The following TBC1D12 variants were observed in gnomAD, a reference collection of about 807,000 sequenced individuals.
TBC1D12 encodes TBC1 domain family, member 12.
In TBC1D12, 56 loss-of-function variants were observed where a neutral mutation model predicts 86.7. That is an observed-to-expected ratio of 0.65 (90% CI 0.52 to 0.81). The LOEUF (loss-of-function observed/expected upper bound fraction) is 0.81. Ranked by LOEUF, TBC1D12 falls within the 30% of genes least tolerant of loss-of-function variation. The pLI, the probability that TBC1D12 is intolerant of heterozygous loss-of-function variation, is 0.00. For synonymous variants in TBC1D12, 421 were observed against 411.7 expected, an observed-to-expected ratio of 1.02 and a Z score of -0.27; for missense variants, 1,023 against 1,038.8, an observed-to-expected ratio of 0.98 and a Z score of 0.21.
rs774412312 is a variant in TBC1D12 at position 94,507,255 on chromosome 10, C to T, written c.1520-12C>T. On this transcript the variant is annotated splice_polypyrimidine_tract_variant and intron_variant, in intron 6 of 12. Transcript: ENST00000225235. ...ATTATTCATACATTTTTGTTCTCCC[C>T]CCAACCCCCAGAACTTTATGAAATC... The T allele has an allele frequency of 1.9e-6, 3 of 1,600,222 alleles. No homozygotes were observed. The highest frequency in any genetic ancestry group is 1.8e-5 in the Admixed American group (1 of 55,476).
At chr10:94,462,785 T>C (rs1341436374) in intron 2 of TBC1D12, among the ~76,000 whole-genome samples, 1 of 152,146 alleles carries the variant, frequency 6.6e-6, no homozygotes, top group Non-Finnish European at 1.5e-5. Flanking sequence ...ATTTTGGCAA[T>C]TTTTATCTTC....
At chr10:94,498,399 G>T (rs1004856292) in intron 5 of TBC1D12, among the ~76,000 whole-genome samples, 4 of 151,980 alleles carry the variant, frequency 2.6e-5, no homozygotes, top group Admixed American at 6.6e-5. Context: ...TCTTTTTAAT[G>T]ATAAATAATA....
At chr10:94,503,610 T>A (rs2056425836) in intron 6 of TBC1D12, among the ~76,000 whole-genome samples, 1 of 152,072 alleles carries the variant, frequency 6.6e-6, no homozygotes, top group South Asian at 2.1e-4. Flanking sequence ...CATATTATTT[T>A]ATTTATTTAT....
At chr10:94,514,629 T>C (rs1028015946) in intron 9 of TBC1D12, among the ~76,000 whole-genome samples, 1 of 152,202 alleles carries the variant, frequency 6.6e-6, no homozygotes, top group Non-Finnish European at 1.5e-5. Flanking sequence ...CAGTATTCTT[T>C]TGTATACATA....
chr10:94,421,967 A>G (rs1196898873), intron 1 of TBC1D12, among the ~76,000 whole-genome samples: 1 of 152,112 alleles, frequency 6.6e-6, no homozygotes, highest in East Asian at 1.9e-4. Flanking sequence ...ATTTTCTCCT[A>G]TGGGTGTCAT....
intron 1 of TBC1D12, among the ~76,000 whole-genome samples, chr10:94,423,785 G>T (rs577320633): frequency 2.6e-5 from 4 of 152,092 alleles, no homozygotes; most frequent in East Asian, 3.9e-4. Flanking sequence ...CTGAGGGCCC[G>T]GATCATAAAC....
At chr10:94,437,112 A>G (rs977028333) in intron 1 of TBC1D12, among the ~76,000 whole-genome samples, 2 of 151,204 alleles carry the variant, frequency 1.3e-5, no homozygotes, top group African/African-American at 2.4e-5. Context: ...TCTGGCCTCC[A>G]TGGTTTCTGA....
At chr10:94,512,365 A>G (rs1023596218) in intron 9 of TBC1D12, among the ~76,000 whole-genome samples, 1 of 152,186 alleles carries the variant, frequency 6.6e-6, no homozygotes, top group African/African-American at 2.4e-5. Flanking sequence ...GCCATTTTTA[A>G]CTAGAAGTTA....
intron 3 of TBC1D12, among the ~76,000 whole-genome samples, chr10:94,493,132 T>G (rs1055602890): frequency 1.4e-5 from 2 of 140,792 alleles, no homozygotes; most frequent in African/African-American, 5.1e-5. Flanking sequence ...TACCAACTTA[T>G]ATACACATGA....
chr10:94,511,279 G>A (rs916005623), intron 8 of TBC1D12, among the ~76,000 whole-genome samples: 31 of 151,762 alleles, frequency 2.0e-4, no homozygotes, highest in African/African-American at 6.3e-4. Context: ...TGTATTTGTA[G>A]TAGAGATGGG....
chr10:94,427,023 T>C (rs2055155478), intron 1 of TBC1D12, among the ~76,000 whole-genome samples: 1 of 152,208 alleles, frequency 6.6e-6, no homozygotes, highest in African/African-American at 2.4e-5. Flanking sequence ...TTAGAACATT[T>C]CTGTCATCCC....
At chr10:94,523,840 A>G (rs1842217207) in intron 11 of TBC1D12, among the ~76,000 whole-genome samples, 1 of 152,158 alleles carries the variant, frequency 6.6e-6, no homozygotes, top group African/African-American at 2.4e-5. Flanking sequence ...ATAGTCGTGC[A>G]TTCCTGTAGT....
intron 6 of TBC1D12, among the ~76,000 whole-genome samples, chr10:94,501,843 T>C (rs1249675264): frequency 6.6e-6 from 1 of 151,792 alleles, no homozygotes; most frequent in Admixed American, 6.6e-5. Context: ...CCACCGTGCC[T>C]GGCTTGCAGA....
At chr10:94,422,983 C>G (rs916004094) in intron 1 of TBC1D12, among the ~76,000 whole-genome samples, 1 of 152,102 alleles carries the variant, frequency 6.6e-6, no homozygotes, top group Non-Finnish European at 1.5e-5. Context: ...GCCTGTAGCC[C>G]CAGCTACACA....
At chr10:94,529,809 G>T (rs918148825) in intron 11 of TBC1D12, among the ~76,000 whole-genome samples, 2 of 152,050 alleles carry the variant, frequency 1.3e-5, no homozygotes, top group African/African-American at 2.4e-5. Context: ...TGAGCATGGG[G>T]GATAGCAGGA....
At chr10:94,471,644 A>G (rs901210125) in intron 2 of TBC1D12, among the ~76,000 whole-genome samples, 4 of 152,094 alleles carry the variant, frequency 2.6e-5, no homozygotes, top group Non-Finnish European at 5.9e-5. Context: ...TCCAGTTCCG[A>G]TCCCACCTCT....
chr10:94,529,558 C>T lies in TBC1D12; in HGVS notation c.2001-1644C>T, dbSNP rs148562250. 9.2e-3 allele frequency among the ~76,000 whole-genome samples: 1,395 copies of T among 152,090 alleles called. 13 individuals carry two copies. Among genetic ancestry groups the T allele is most frequent in the Non-Finnish European group, 0.013 (872 of 68,004 alleles). On this transcript the variant is annotated intron_variant, in intron 11 of 12. Transcript: ENST00000225235. ...GCTTGAACCCCGGAGGTGGAGGTTGCGGTGAGGTGAGATTTTGCCATTGCA... is the reference window on the plus strand; with the variant it reads ...GCTTGAACCCCGGAGGTGGAGGTTGTGGTGAGGTGAGATTTTGCCATTGCA...
At chr10:94,462,699 A>G (rs999625137) in intron 2 of TBC1D12, among the ~76,000 whole-genome samples, 3 of 150,322 alleles carry the variant, frequency 2.0e-5, no homozygotes, top group Non-Finnish European at 3.0e-5. Context: ...TAAATTATTC[A>G]TATTTTCTTA....
Position 94,402,559 on chromosome 10 carries a change from A to C in TBC1D12, c.-55A>C. ...AGCACCCAGAGCTGTTCTCTGGCCAAGCCTGCGCCTGTAGTCCTTCTTTGC... is the reference window on the plus strand; with the variant it reads ...AGCACCCAGAGCTGTTCTCTGGCCACGCCTGCGCCTGTAGTCCTTCTTTGC... On this transcript the variant is annotated 5_prime_UTR_variant, in exon 1 of 13. Coordinates refer to ENST00000225235, the MANE Select transcript of TBC1D12 (RefSeq NM_015188.2). 6.3e-7 allele frequency: 1 copy of C among 1,594,446 alleles called. No homozygotes were observed.
Sources: gnomAD v4.1 joint callset for allele counts (sites outside exome capture counted in the v4.1 genomes callset) on GRCh38, gnomAD v4.1.1 for gene constraint, MANE v1.5 for transcripts, NCBI Gene and HGNC (gene_info 2026-07-23, HGNC 2026-07-21) for gene names.